SPIRE1: variants seen among roughly 807,000 people sequenced by gnomAD.
SPIRE1 encodes spire type actin nucleation factor 1.
In SPIRE1, 40 loss-of-function variants were observed where a neutral mutation model predicts 94.1. The ratio of observed to expected loss-of-function variants is 0.43; its 90% confidence interval spans 0.33 to 0.55. SPIRE1 has a LOEUF of 0.55. Among genes scored for constraint, SPIRE1 ranks in the 20% least tolerant of loss-of-function variants. The pLI, the probability that SPIRE1 is intolerant of heterozygous loss-of-function variation, is 0.06. For missense variants in SPIRE1, 838 were observed against 975.2 expected (o/e 0.86, Z 1.87); for synonymous variants, 376 against 371.7 (o/e 1.01, Z -0.13).
intron 2 of SPIRE1, among the ~76,000 whole-genome samples, chr18:12,602,509 A>G (rs956349478): frequency 6.6e-6 from 1 of 152,206 alleles, no homozygotes; most frequent in Non-Finnish European, 1.5e-5. Context: ...AACACAATCC[A>G]GAAAAATGAC....
At chr18:12,549,425 TTTTTGTTATTG>T (rs1158967194) in intron 2 of SPIRE1, among the ~76,000 whole-genome samples, 15 of 127,892 alleles carry the variant, frequency 1.2e-4, no homozygotes, top group Non-Finnish European at 1.9e-4. Context: ...TTTTTGTTTG[TTTTTGTTATTG>T]TTGTTTTTTT....
intron 1 of SPIRE1, among the ~76,000 whole-genome samples, chr18:12,652,622 T>C (rs1251609362): frequency 6.6e-6 from 1 of 152,246 alleles, no homozygotes; most frequent in African/African-American, 2.4e-5. Flanking sequence ...ATCACACTAC[T>C]TTTATGGCCA....
At position 12,506,597 on chromosome 18, in the gene SPIRE1, T is replaced by C. The variant is rs750574645; in HGVS notation, c.852A>G (p.Val284=). 36 of 1,614,048 alleles carry C rather than the reference T, an allele frequency of 2.2e-5. No individual in the cohort carries two copies. Among genetic ancestry groups the C allele is most frequent in the Middle Eastern group, 1.6e-4 (1 of 6,084 alleles). The change falls in exon 6 of 17, where the codon GTA becomes GTG. Residue 284 remains valine, a synonymous_variant. Coordinates refer to ENST00000409402, the MANE Select transcript of SPIRE1 (RefSeq NM_001128626.2). The part of the protein sequence containing the change: ...VQVMRDLRNG[V]KLKKVQERQY... The stretch of plus-strand genomic sequence containing the variant: ...GCCGCTCTTGGACCTTCTTAAGTTT[T>C]ACCCCATTCCTCAAATCCCTCATCA...
At chr18:12,504,483 G>T (rs1019840) in intron 6 of SPIRE1, among the ~76,000 whole-genome samples, 1 of 151,952 alleles carries the variant, frequency 6.6e-6, no homozygotes, top group African/African-American at 2.4e-5. Flanking sequence ...CTTCAGCCTC[G>T]GCAAAAAGAG....
intron 6 of SPIRE1, among the ~76,000 whole-genome samples, chr18:12,499,533 T>G (rs1415141368): frequency 2.7e-5 from 4 of 150,798 alleles, no homozygotes; most frequent in Non-Finnish European, 4.4e-5. Context: ...GTCACTGGAA[T>G]TCTGACAGAG....
At chr18:12,579,576 T>C (rs1056885810) in intron 2 of SPIRE1, among the ~76,000 whole-genome samples, 3 of 152,212 alleles carry the variant, frequency 2.0e-5, no homozygotes, top group Non-Finnish European at 2.9e-5. Flanking sequence ...GCAATGGTTA[T>C]ATAGCAAATG....
At chr18:12,633,642 C>A (rs574573940) in intron 2 of SPIRE1, among the ~76,000 whole-genome samples, 10 of 151,906 alleles carry the variant, frequency 6.6e-5, no homozygotes, top group Middle Eastern at 3.4e-3. Context: ...ATTTTTGTTT[C>A]TCTATTATAC....
chr18:12,493,022 C>T (rs1465888421), intron 8 of SPIRE1, 50 bp downstream of exon 8: 18 of 1,542,398 alleles, frequency 1.2e-5, no homozygotes, highest in Non-Finnish European at 1.4e-5. Context: ...TATAAAGATC[C>T]TTTTCCCAGG....
At chr18:12,508,970 T>C (rs979725360) in intron 5 of SPIRE1, among the ~76,000 whole-genome samples, 2 of 152,304 alleles carry the variant, frequency 1.3e-5, no homozygotes, top group Admixed American at 6.5e-5. Context: ...GCCCTGTGCC[T>C]GGCCCACACT....
At chr18:12,601,100 C>T (rs181327855) in intron 2 of SPIRE1, among the ~76,000 whole-genome samples, 3 of 152,200 alleles carry the variant, frequency 2.0e-5, no homozygotes, top group Admixed American at 2.0e-4. Context: ...CTCCTGAGTC[C>T]TTGTGACCTC....
intron 2 of SPIRE1, among the ~76,000 whole-genome samples, chr18:12,602,416 G>A (rs1368800386): frequency 6.6e-6 from 1 of 152,104 alleles, no homozygotes; most frequent in East Asian, 1.9e-4. Context: ...TTCATATACT[G>A]GCTTAGTGAG....
chr18:12,453,612 C>A (rs2031354300), intron 13 of SPIRE1, among the ~76,000 whole-genome samples: 1 of 151,134 alleles, frequency 6.6e-6, no homozygotes, highest in African/African-American at 2.4e-5. Context: ...TTTTTGGTAT[C>A]TTTAGTAGAG....
At chr18:12,456,416 T>C (rs544731) in intron 12 of SPIRE1, among the ~76,000 whole-genome samples, 3,086 of 152,264 alleles carry the variant, frequency 0.02, 88 homozygotes, top group African/African-American at 0.07. Flanking sequence ...ATTTCAGAAG[T>C]TTTGCTCTTA....
intron 2 of SPIRE1, among the ~76,000 whole-genome samples, chr18:12,630,922 A>G (rs1813133256): frequency 6.6e-6 from 1 of 152,172 alleles, no homozygotes; most frequent in South Asian, 2.1e-4. Context: ...CTCAACAGAA[A>G]AATAATTTAA....
chr18:12,660,829 A>G (rs1415811813), upstream of SPIRE1, among the ~76,000 whole-genome samples: 2 of 152,136 alleles, frequency 1.3e-5, no homozygotes, highest in African/African-American at 4.8e-5. Context: ...GCATATATGT[A>G]ATTAAGTTGA....
At chr18:12,507,573 C>T (rs2033878393) in intron 5 of SPIRE1, among the ~76,000 whole-genome samples, 1 of 151,788 alleles carries the variant, frequency 6.6e-6, no homozygotes, top group Non-Finnish European at 1.5e-5. Flanking sequence ...GTGGTGTGCG[C>T]CTGTAATTGC....
chr18:12,633,093 T>A (rs1345861559), intron 2 of SPIRE1, among the ~76,000 whole-genome samples: 1 of 152,208 alleles, frequency 6.6e-6, no homozygotes, highest in East Asian at 1.9e-4. Flanking sequence ...AAAGACAAAG[T>A]TCTGGAAGAA....
chr18:12,597,205 C>CACACACACACAG, intron 2 of SPIRE1, among the ~76,000 whole-genome samples: 1 of 138,552 alleles, frequency 7.2e-6, no homozygotes, highest in South Asian at 2.3e-4. Flanking sequence ...CACACACACA[C>CACACACACACAG]AGAGGGAGAG....
intron 2 of SPIRE1, among the ~76,000 whole-genome samples, chr18:12,551,294 T>C (rs1221244299): frequency 1.3e-5 from 2 of 152,184 alleles, no homozygotes; most frequent in Non-Finnish European, 2.9e-5. Flanking sequence ...CATAATTAAA[T>C]TGGTAAGTTG....
Sources: gnomAD v4.1 joint callset for allele counts (sites outside exome capture counted in the v4.1 genomes callset) on GRCh38, gnomAD v4.1.1 for gene constraint, MANE v1.5 for transcripts, NCBI Gene and HGNC (gene_info 2026-07-23, HGNC 2026-07-21) for gene names.